SH3GLB1: variants seen among roughly 807,000 people sequenced by gnomAD.
SH3GLB1 encodes SH3 domain containing GRB2 like, endophilin B1.
In SH3GLB1, 17 loss-of-function variants were observed where a neutral mutation model predicts 42.0. The ratio of observed to expected loss-of-function variants is 0.40; its 90% CI spans 0.28 to 0.61. The LOEUF is 0.61. Ranked by LOEUF, SH3GLB1 falls within the 20% of genes least tolerant of loss-of-function variation. The pLI, the probability that SH3GLB1 is intolerant of heterozygous loss-of-function variation, is 0.36. For missense variants in SH3GLB1, 355 were observed against 426.3 expected, an observed-to-expected ratio of 0.83 and a Z score of 1.47; for synonymous variants, 132 against 146.6, an observed-to-expected ratio of 0.90 and a Z score of 0.72.
At chr1:86,723,217 A>G (rs1402025985) in intron 4 of SH3GLB1, among the ~76,000 whole-genome samples, 1 of 152,204 alleles carries the variant, frequency 6.6e-6, no homozygotes, top group Non-Finnish European at 1.5e-5. Flanking sequence ...AGTATGATTT[A>G]AAAGATATTA....
intron 1 of SH3GLB1, among the ~76,000 whole-genome samples, chr1:86,705,618 G>A (rs1250997888): frequency 2.6e-5 from 4 of 152,188 alleles, no homozygotes; most frequent in Admixed American, 2.6e-4. Flanking sequence ...TGTAGATCAA[G>A]GAGAGATGCG....
chr1:86,712,764 T>TA (rs370562019), intron 1 of SH3GLB1, among the ~76,000 whole-genome samples: 19,240 of 146,272 alleles, frequency 0.13, 1,602 homozygotes, highest in African/African-American at 0.25. Context: ...CTAAAATAGT[T>TA]AAAAAAAAAA....
intron 1 of SH3GLB1, among the ~76,000 whole-genome samples, 180 bp downstream of exon 1, chr1:86,705,151 C>T (rs959953962): frequency 2.0e-5 from 3 of 152,152 alleles, no homozygotes; most frequent in East Asian, 1.9e-4. Context: ...ATTTCTGCCC[C>T]GCTCCTGCCC....
chr1:86,726,199 A>C (rs997846314), intron 5 of SH3GLB1, among the ~76,000 whole-genome samples: 9 of 152,090 alleles, frequency 5.9e-5, no homozygotes, highest in Admixed American at 5.9e-4. Flanking sequence ...GCCCAGTGAT[A>C]ATTGTGGAAT....
intron 1 of SH3GLB1, 151 bp from the exon 2 acceptor site, chr1:86,715,573 A>G (rs1654473320): frequency 1.3e-6 from 1 of 782,134 alleles, no homozygotes; most frequent in African/African-American, 1.8e-5. Flanking sequence ...GGAGCAAAAA[A>G]AAGTATTCAT....
chr1:86,723,050 T>G lies in SH3GLB1; in HGVS notation c.477+377T>G, dbSNP rs568522004. 4.5e-4 allele frequency among the ~76,000 whole-genome samples: 68 copies of G among 152,242 alleles called. 1 individual carries two copies. The highest frequency in any genetic ancestry group is 7.9e-4 in the Non-Finnish European group (54 of 68,038). ...TTCTTAGTGATAGAGAATGAAAATT[T>G]TCTAAGAGTTTTACAAAGCTGCTCT... On this transcript the variant is annotated intron_variant, in intron 4 of 8. Coordinates refer to ENST00000370558, the MANE Select transcript of SH3GLB1 (RefSeq NM_016009.5).
In SH3GLB1 at chr1:86,734,683, A is replaced by G; in HGVS notation, c.652A>G (p.Ser218Gly). The G allele has an allele frequency of 6.2e-7, 1 of 1,611,488 alleles. No individual in the cohort carries two copies. The highest frequency in any genetic ancestry group is 8.5e-7 in the Non-Finnish European group (1 of 1,177,818). ...CAGACTTCTGCTAGAGGGAATCAGC[A>G]GTACACATGTGAGTATTCATTCATT... is the stretch of plus-strand genomic sequence containing the variant. The part of the protein sequence containing the change: ...ITRLLLEGIS[S>G]THAHHLRCLN... The change falls in exon 6 of 9, where the codon AGT (serine) becomes GGT (glycine). Residue 218 changes from serine to glycine, a missense_variant. Transcript: ENST00000370558.
chr1:86,735,513 T>A (rs1481074683), intron 7 of SH3GLB1, among the ~76,000 whole-genome samples: 1 of 152,194 alleles, frequency 6.6e-6, no homozygotes, highest in Non-Finnish European at 1.5e-5. Flanking sequence ...CCCTTAAAGA[T>A]AAACTAATTT....
At chr1:86,716,874 A>G (rs560756485) in intron 2 of SH3GLB1, among the ~76,000 whole-genome samples, 2 of 152,344 alleles carry the variant, frequency 1.3e-5, no homozygotes, top group South Asian at 4.1e-4. Flanking sequence ...CTTGTTTGGG[A>G]CCAAGTTGTG....
chr1:86,719,865 A>G (rs1654765728), intron 3 of SH3GLB1, among the ~76,000 whole-genome samples: 3 of 151,766 alleles, frequency 2.0e-5, no homozygotes, highest in African/African-American at 7.3e-5. Context: ...GTGTGGTGGC[A>G]GACACCTGTA....
At chr1:86,727,303 C>T (rs1193694369) in intron 5 of SH3GLB1, among the ~76,000 whole-genome samples, 1 of 151,676 alleles carries the variant, frequency 6.6e-6, no homozygotes, top group East Asian at 1.9e-4. Flanking sequence ...AAAAATATAC[C>T]AATTAAGCAG....
intron 3 of SH3GLB1, among the ~76,000 whole-genome samples, 156 bp downstream of exon 3, chr1:86,719,791 C>T (rs989949196): frequency 5.3e-5 from 8 of 151,640 alleles, no homozygotes; most frequent in Non-Finnish European, 4.4e-5. Flanking sequence ...GTCAGGAGAT[C>T]GAGACTATCC....
At chr1:86,733,155 T>C (rs1570285699) in intron 5 of SH3GLB1, among the ~76,000 whole-genome samples, 1 of 152,226 alleles carries the variant, frequency 6.6e-6, no homozygotes, top group Non-Finnish European at 1.5e-5. Flanking sequence ...ACTTTGTCCC[T>C]GCTATCAAAA....
At chr1:86,742,175 G>A in intron 7 of SH3GLB1, 33 bp from the exon 8 acceptor site, 1 of 1,568,890 alleles carries the variant, frequency 6.4e-7, no homozygotes, top group Non-Finnish European at 8.8e-7. Flanking sequence ...TAGTCACTTG[G>A]AAATAAATAA....
chr1:86,724,430 G>T, intron 5 of SH3GLB1, 25 bp downstream of exon 5: 1 of 1,479,586 alleles, frequency 6.8e-7, no homozygotes, highest in South Asian at 1.3e-5. Flanking sequence ...AAATATTTTT[G>T]ATTAATAACT....
chr1:86,724,415 T>C lies in SH3GLB1; in HGVS notation c.570+10T>C. 1 of 1,536,236 alleles carries C rather than the reference T, an allele frequency of 6.5e-7. No homozygotes were observed. Among genetic ancestry groups the C allele is most frequent in the African/African-American group, 1.7e-5 (1 of 60,468 alleles). ...AGAAACTAGAAATTCAGTAAGTAAATAGAAAAATATTTTTGATTAATAACT... is the reference window on the plus strand; with the variant it reads ...AGAAACTAGAAATTCAGTAAGTAAACAGAAAAATATTTTTGATTAATAACT... On this transcript the variant is annotated intron_variant, in intron 5 of 8. Coordinates refer to ENST00000370558, the MANE Select transcript of SH3GLB1 (RefSeq NM_016009.5).
intron 1 of SH3GLB1, among the ~76,000 whole-genome samples, chr1:86,712,341 A>G (rs567212821): frequency 6.6e-6 from 1 of 152,180 alleles, no homozygotes; most frequent in Non-Finnish European, 1.5e-5. Flanking sequence ...TGATTGGATA[A>G]TAGTAATAGA....
chr1:86,724,874 TAA>T lies in SH3GLB1; in HGVS notation c.570+487_570+488del, dbSNP rs1165438979. Among the ~76,000 whole-genome samples, 469 of 97,866 alleles carry T rather than the reference TAA, an allele frequency of 4.8e-3. 8 individuals carry two copies. Among genetic ancestry groups the T allele is most frequent in the African/African-American group, 0.021 (429 of 20,234 alleles). The allele number at this position is 97,866 out of a possible 152,430, so 64.2% of individuals were successfully genotyped here. A position where few individuals can be genotyped will look rare whatever the true frequency, so the allele number is the denominator to read the frequency against. On this transcript the variant is annotated intron_variant, in intron 5 of 8. Transcript: ENST00000370558. ...GGGCAACAGAGCCAGACCCTGTCTT[TAA>T]AAAAAAAAAAAAAAAAATATATATA...
chr1:86,743,214 C>T lies in SH3GLB1; in HGVS notation c.1077C>T (p.Thr359=). ...RGNQKGKVPI[T]YLELLN is the part of the protein sequence containing the mutation. ...ACCAGAAGGGCAAGGTGCCAATTAC[C>T]TACTTAGAACTGCTCAATTAAGTAG... The change falls in exon 9 of 9, where the codon ACC becomes ACT. Residue 359 remains threonine, a synonymous_variant. Transcript: ENST00000370558. 1 of 1,607,066 alleles carries T rather than the reference C, an allele frequency of 6.2e-7. No individual in the cohort carries two copies. Among genetic ancestry groups the T allele is most frequent in the Non-Finnish European group, 8.5e-7 (1 of 1,178,206 alleles).
Sources: gnomAD v4.1 joint callset for allele counts (sites outside exome capture counted in the v4.1 genomes callset) on GRCh38, gnomAD v4.1.1 for gene constraint, MANE v1.5 for transcripts, NCBI Gene and HGNC (gene_info 2026-07-23, HGNC 2026-07-21) for gene names.